SMG7: variants seen among roughly 807,000 people sequenced by gnomAD.
The protein encoded by SMG7 is nonsense-mediated mRNA decay factor SMG7.
Under a neutral mutation model 148.2 loss-of-function variants are expected in SMG7, and 34 were observed. That is an observed-to-expected ratio of 0.23 (90% CI 0.17 to 0.31). SMG7 has a LOEUF of 0.31. SMG7 is among the 10% of genes least tolerant of loss of function. The probability of loss-of-function intolerance (pLI) is 1.00; values close to 1 mark genes in which losing one functional copy is unlikely to be tolerated. For missense variants in SMG7, 1,114 were observed against 1,408.4 expected (o/e 0.79, Z 3.35); for synonymous variants, 492 against 515.1 (o/e 0.96, Z 0.61).
intron 4 of SMG7, among the ~76,000 whole-genome samples, chr1:183,525,418 A>G (rs1571991450): frequency 6.6e-6 from 1 of 152,222 alleles, no homozygotes; most frequent in East Asian, 1.9e-4. Context: ...TGTGGAAGCC[A>G]GATGATAATG....
intron 15 of SMG7, 74 bp from the exon 16 acceptor site, chr1:183,544,856 T>TAA (rs372519216): frequency 1.1e-5 from 15 of 1,358,428 alleles, no homozygotes; most frequent in African/African-American, 4.4e-5. Context: ...ACCTACCTGT[T>TAA]AAAAAAAAAA....
intron 13 of SMG7, among the ~76,000 whole-genome samples, chr1:183,541,757 A>G (rs959853118): frequency 6.6e-6 from 1 of 152,212 alleles, no homozygotes; most frequent in African/African-American, 2.4e-5. Context: ...TCTATAGAAT[A>G]GGAATTATAT....
At chr1:183,516,164 C>T in intron 3 of SMG7, 173 bp downstream of exon 3, 2 of 557,320 alleles carry the variant, frequency 3.6e-6, no homozygotes, top group Non-Finnish European at 6.4e-6. Flanking sequence ...CAAATACAGT[C>T]TTTGGAGGAG....
intron 4 of SMG7, among the ~76,000 whole-genome samples, chr1:183,526,152 A>ATTT (rs1430095745): frequency 3.3e-4 from 6 of 18,380 alleles, no homozygotes; most frequent in African/African-American, 2.1e-3. Context: ...ATATATATAT[A>ATTT]TATATTTTTT....
chr1:183,480,894 A>C (rs1408569637), intron 1 of SMG7, among the ~76,000 whole-genome samples: 1 of 152,180 alleles, frequency 6.6e-6, no homozygotes, highest in Non-Finnish European at 1.5e-5. Context: ...TGTGTGGGCT[A>C]ACAACTTAAC....
chr1:183,538,347 A>G, intron 11 of SMG7, 33 bp from the exon 12 acceptor site: 1 of 1,532,446 alleles, frequency 6.5e-7, no homozygotes, highest in Non-Finnish European at 9.0e-7. Context: ...ATTTTAATTA[A>G]AATGTTTGCA....
intron 1 of SMG7, among the ~76,000 whole-genome samples, chr1:183,474,427 G>A (rs1381468227): frequency 6.6e-6 from 1 of 152,194 alleles, no homozygotes; most frequent in Non-Finnish European, 1.5e-5. Flanking sequence ...AGCTGGGCAT[G>A]GTGGTGGGCG....
intron 19 of SMG7, 23 bp downstream of exon 19, chr1:183,549,311 T>C (rs761183443): frequency 1.3e-5 from 19 of 1,515,748 alleles, no homozygotes; most frequent in Non-Finnish European, 1.7e-5. Flanking sequence ...TGAAGAATCC[T>C]GCTGTGTGCT....
At chr1:183,541,359 G>T (rs1036787892) in intron 13 of SMG7, among the ~76,000 whole-genome samples, 1 of 152,104 alleles carries the variant, frequency 6.6e-6, no homozygotes, top group Non-Finnish European at 1.5e-5. Context: ...CTTGTTTATC[G>T]TGAGTTTCTG....
intron 4 of SMG7, among the ~76,000 whole-genome samples, chr1:183,518,917 G>C (rs1664151808): frequency 6.6e-6 from 1 of 152,152 alleles, no homozygotes; most frequent in Admixed American, 6.5e-5. Context: ...CTATATTTTG[G>C]CTTCATTCTG....
Position 183,512,867 on chromosome 1 carries a change from A to G in SMG7, c.60A>G (p.Thr20=). The change falls in exon 2 of 23, where the codon ACA becomes ACG. Residue 20 remains threonine, a splice_region_variant and synonymous_variant. Transcript: ENST00000688051. The part of the protein sequence containing the change: ...RQAEVLKADM[T]DSKLGPAEVW... Reference sequence around the variant, plus strand: ...CAGAAGTCCTGAAGGCTGACATGACAGGTATTGGCTGGCTTATTTCTTTTT... The same window carrying G: ...CAGAAGTCCTGAAGGCTGACATGACGGGTATTGGCTGGCTTATTTCTTTTT... 1 of 1,580,776 alleles carries G rather than the reference A, an allele frequency of 6.3e-7. No individual in the cohort carries two copies.
chr1:183,504,956 T>C (rs2102350317), intron 1 of SMG7, among the ~76,000 whole-genome samples: 1 of 152,264 alleles, frequency 6.6e-6, no homozygotes, highest in African/African-American at 2.4e-5. Context: ...ATAATACCAT[T>C]CTTATTTCCT....
intron 4 of SMG7, among the ~76,000 whole-genome samples, chr1:183,523,829 G>A (rs1280138165): frequency 6.6e-6 from 1 of 151,886 alleles, no homozygotes; most frequent in Non-Finnish European, 1.5e-5. Flanking sequence ...TTTGCTAGAT[G>A]TGCAGCCTTG....
chr1:183,518,410 G>C (rs944173129), intron 4 of SMG7, among the ~76,000 whole-genome samples: 10 of 152,198 alleles, frequency 6.6e-5, no homozygotes, highest in Non-Finnish European at 1.2e-4. Context: ...TCAGTTACAA[G>C]TGGTATTAGA....
At chr1:183,494,560 G>T (rs1571829189) in intron 1 of SMG7, among the ~76,000 whole-genome samples, 1 of 148,696 alleles carries the variant, frequency 6.7e-6, no homozygotes, top group East Asian at 2.0e-4. Flanking sequence ...TTATGGTATT[G>T]ATCTCTTGGC....
chr1:183,511,295 T>C (rs1472623075), intron 1 of SMG7, among the ~76,000 whole-genome samples: 2 of 152,202 alleles, frequency 1.3e-5, no homozygotes, highest in Non-Finnish European at 2.9e-5. Flanking sequence ...ATTCTTAAAA[T>C]CTGTAATATG....
At chr1:183,545,704 CAA>C (rs978260146) in intron 16 of SMG7, among the ~76,000 whole-genome samples, 1 of 152,264 alleles carries the variant, frequency 6.6e-6, no homozygotes, top group African/African-American at 2.4e-5. Flanking sequence ...AAAGGGGAAA[CAA>C]ACACTCTTAT....
intron 1 of SMG7, among the ~76,000 whole-genome samples, chr1:183,488,864 A>C (rs1323207973): frequency 6.6e-6 from 1 of 151,742 alleles, no homozygotes; most frequent in Non-Finnish European, 1.5e-5. Context: ...TTGTGTTTTT[A>C]GTAGAGACGA....
At chr1:183,541,468 A>C (rs1668835892) in intron 13 of SMG7, among the ~76,000 whole-genome samples, 1 of 152,242 alleles carries the variant, frequency 6.6e-6, no homozygotes, top group Admixed American at 6.5e-5. Flanking sequence ...TTCAGGCAGG[A>C]CAGACCAAGA....
Sources: gnomAD v4.1 joint callset for allele counts (sites outside exome capture counted in the v4.1 genomes callset) on GRCh38, gnomAD v4.1.1 for gene constraint, MANE v1.5 for transcripts, NCBI Gene and HGNC (gene_info 2026-07-23, HGNC 2026-07-21) for gene names.